The following UNC93A variants were observed in gnomAD, a reference collection of about 807,000 sequenced individuals.
The protein encoded by UNC93A is N-acetylglucosamine transporter UNC93A.
In UNC93A, 43 loss-of-function variants were observed where a neutral mutation model predicts 47.5. The ratio of observed to expected loss-of-function variants is 0.91; its 90% confidence interval spans 0.71 to 1.17. The LOEUF (loss-of-function observed/expected upper bound fraction) is 1.17. Among genes scored for constraint, UNC93A ranks in the 50% most tolerant of loss-of-function variants. UNC93A has a pLI of 0.00. For synonymous variants in UNC93A, 280 were observed against 258.0 expected (o/e 1.09, Z -0.82); for missense variants, 605 against 577.6 (o/e 1.05, Z -0.49).
intron 1 of UNC93A, among the ~76,000 whole-genome samples, chr6:167,275,752 T>C (rs1025653785): frequency 6.6e-6 from 1 of 152,244 alleles, no homozygotes; most frequent in Admixed American, 6.5e-5. Flanking sequence ...TTCATCTGTG[T>C]CCAGCTCAGA....
Position 167,296,264 on chromosome 6 carries a change from A to G in UNC93A, c.499+3A>G, listed in dbSNP as rs1778086483. On this transcript the variant is annotated splice_donor_region_variant and intron_variant, in intron 3 of 7. Coordinates refer to ENST00000230256, the MANE Select transcript of UNC93A (RefSeq NM_018974.4). ...ATTTGGCCAGACTCCCAGCCAAGGT[A>G]AAAGGAAAAGGGGCAAGCAATTGTC... is the stretch of plus-strand genomic sequence containing the variant. 6.2e-7 allele frequency: 1 copy of G among 1,614,052 alleles called. No homozygotes were observed. Among genetic ancestry groups the G allele is most frequent in the African/African-American group, 1.3e-5 (1 of 75,040 alleles).
In UNC93A at chr6:167,315,290, T is replaced by C. The variant is rs1423849761; in HGVS notation, c.1212T>C (p.Phe404=). ...TCATTGCCTTCGGGTACAGCATGTT[T>C]TTGTGCGTGCACGTCAAGCTCTACA... ...GFVIAFGYSM[F]LCVHVKLYIL... The change falls in exon 8 of 8, where the codon TTT becomes TTC. Residue 404 remains phenylalanine, a synonymous_variant. Coordinates refer to ENST00000230256, the MANE Select transcript of UNC93A (RefSeq NM_018974.4). 1 of 1,613,544 alleles carries C rather than the reference T, an allele frequency of 6.2e-7. No individual in the cohort carries two copies. The highest frequency in any genetic ancestry group is 1.7e-5 in the Admixed American group (1 of 59,978).
At chr6:167,296,005 G>A in intron 2 of UNC93A, 27 bp from the exon 3 acceptor site, 1 of 1,607,566 alleles carries the variant, frequency 6.2e-7, no homozygotes, top group Non-Finnish European at 8.5e-7. Flanking sequence ...TCCTGTTACA[G>A]GCTATGGGTC....
Position 167,298,071 on chromosome 6 carries a change from G to C in UNC93A, c.625+1G>C, listed in dbSNP as rs113906647. On this transcript the variant is annotated splice_donor_variant, in intron 4 of 7. Coordinates refer to ENST00000230256, the MANE Select transcript of UNC93A (RefSeq NM_018974.4). LOFTEE classifies it high-confidence loss of function. ...TACACCCTCCTGGGCATCTACACTG[G>C]TACGAGCTCCATCGGCCCAGGGCAG... 0.019 allele frequency: 30,853 copies of C among 1,613,472 alleles called. 691 individuals are homozygous for C. The highest frequency in any genetic ancestry group is 0.082 in the Admixed American group (4,937 of 59,984).
At chr6:167,281,080 CGGTAATCCCACCAAAAGGAGCCCCAGGA>C (rs1783624625) in intron 1 of UNC93A, among the ~76,000 whole-genome samples, 1 of 151,988 alleles carries the variant, frequency 6.6e-6, no homozygotes, top group South Asian at 2.1e-4. Context: ...GAGCCTCAGG[CGGTAATCCCACCAAAAGGAGCCCCAGGA>C]GGTCATCCCA....
At position 167,307,799 on chromosome 6, in the gene UNC93A, T is replaced by C; in HGVS notation, c.997T>C (p.Cys333Arg). The change falls in exon 7 of 8, where the codon TGC becomes CGC. Residue 333 changes from cysteine to arginine, a missense_variant. Coordinates refer to ENST00000230256, the MANE Select transcript of UNC93A (RefSeq NM_018974.4). ...CCCAGGCGCGGTGACCCACGTGTCC[T>C]GCATGATTGCCCTACTGCTGTGGAG... The part of the protein sequence containing the change: ...YVLGAVTHVS[C>R]MIALLLWRPR... The C allele has an allele frequency of 1.2e-6, 2 of 1,613,960 alleles. No individual in the cohort carries two copies. The highest frequency in any genetic ancestry group is 1.7e-6 in the Non-Finnish European group (2 of 1,179,908).
intron 3 of UNC93A, among the ~76,000 whole-genome samples, chr6:167,296,931 C>T (rs1269535455): frequency 6.6e-6 from 1 of 152,204 alleles, no homozygotes; most frequent in African/African-American, 2.4e-5. Flanking sequence ...ATCACTTCAT[C>T]AAGGTTCTCC....
intron 4 of UNC93A, among the ~76,000 whole-genome samples, chr6:167,299,960 G>A (rs1486041738): frequency 2.0e-5 from 3 of 152,212 alleles, no homozygotes; most frequent in Non-Finnish European, 4.4e-5. Flanking sequence ...ACCCACTGAG[G>A]ACGGAGTGCT....
At chr6:167,298,370 C>T (rs1778149938) in intron 4 of UNC93A, 2 of 211,816 alleles carry the variant, frequency 9.4e-6, no homozygotes, top group South Asian at 2.2e-4. Context: ...AGTTTCAGTT[C>T]CTAAGTCTCC....
At chr6:167,302,694 G>A (rs1778276247) in intron 4 of UNC93A, among the ~76,000 whole-genome samples, 1 of 152,160 alleles carries the variant, frequency 6.6e-6, no homozygotes. Context: ...AGTACAGGAT[G>A]TTTCCTCATG....
chr6:167,282,551 A>G (rs747498518), intron 1 of UNC93A, among the ~76,000 whole-genome samples: 1 of 152,194 alleles, frequency 6.6e-6, no homozygotes, highest in East Asian at 1.9e-4. Flanking sequence ...CATTGTCAGT[A>G]AAAAACAACA....
In UNC93A at chr6:167,306,055, G is replaced by C. The variant is rs1442695508; in HGVS notation, c.976+5G>C. ...GGGCTGTGCTGTACGTGCTGGGTAG[G>C]TATCAGCGTGGGTCCCATCCCAGCT... On this transcript the variant is annotated splice_donor_5th_base_variant and intron_variant, in intron 6 of 7. Coordinates refer to ENST00000230256, the MANE Select transcript of UNC93A (RefSeq NM_018974.4). 1.2e-6 allele frequency: 2 copies of C among 1,614,030 alleles called. No homozygotes were observed. The highest frequency in any genetic ancestry group is 1.7e-6 in the Non-Finnish European group (2 of 1,179,992).
intron 1 of UNC93A, among the ~76,000 whole-genome samples, chr6:167,292,442 G>A (rs916611609): frequency 6.6e-6 from 1 of 152,214 alleles, no homozygotes; most frequent in Admixed American, 6.5e-5. Flanking sequence ...CTCAGAATCC[G>A]AGGTTTCTCC....
At position 167,315,510 on chromosome 6, in the gene UNC93A, G is replaced by A; in HGVS notation, c.*58G>A. ...AAGCACCAGCCAGAGAATTTTCTTAGAAGATGCCTCAGGACATAGAGCGGC... is the reference window on the plus strand; with the variant it reads ...AAGCACCAGCCAGAGAATTTTCTTAAAAGATGCCTCAGGACATAGAGCGGC... On this transcript the variant is annotated 3_prime_UTR_variant, in exon 8 of 8. Transcript: ENST00000230256. The A allele has an allele frequency of 6.2e-7, 1 of 1,613,080 alleles. No homozygotes were observed. The highest frequency in any genetic ancestry group is 8.5e-7 in the Non-Finnish European group (1 of 1,179,786).
chr6:167,294,754 C>T (rs759352889), intron 2 of UNC93A, 56 bp downstream of exon 2: 16 of 1,526,516 alleles, frequency 1.0e-5, no homozygotes, highest in Middle Eastern at 1.8e-4. Context: ...ACGCTAGGGA[C>T]GTTCACTCTG....
intron 1 of UNC93A, among the ~76,000 whole-genome samples, chr6:167,279,756 A>G (rs1290412205): frequency 6.6e-6 from 1 of 152,218 alleles, no homozygotes; most frequent in Admixed American, 6.5e-5. Context: ...AGCAACAGAA[A>G]AATCAAAGGA....
intron 1 of UNC93A, among the ~76,000 whole-genome samples, chr6:167,276,935 C>G (rs748143536): frequency 3.9e-5 from 6 of 152,208 alleles, no homozygotes; most frequent in Non-Finnish European, 8.8e-5. Flanking sequence ...CGCTGGCTGT[C>G]TTTGCTGTTC....
chr6:167,310,152 C>G (rs1043204768), intron 7 of UNC93A, among the ~76,000 whole-genome samples: 1 of 152,216 alleles, frequency 6.6e-6, no homozygotes, highest in African/African-American at 2.4e-5. Flanking sequence ...GTGGCAGAGC[C>G]GGTGTTTCAC....
chr6:167,284,078 C>T (rs1002528703), intron 1 of UNC93A, among the ~76,000 whole-genome samples: 4 of 152,132 alleles, frequency 2.6e-5, no homozygotes, highest in South Asian at 2.1e-4. Flanking sequence ...CAAACAAGTG[C>T]GAAACCCAGG....
Sources: gnomAD v4.1 joint callset for allele counts (sites outside exome capture counted in the v4.1 genomes callset) on GRCh38, gnomAD v4.1.1 for gene constraint, MANE v1.5 for transcripts, NCBI Gene and HGNC (gene_info 2026-07-23, HGNC 2026-07-21) for gene names.